Variants in SCN7A observed in about 807,000 individuals in gnomAD.
The protein encoded by SCN7A is sodium channel protein type 7 subunit alpha.
A neutral mutation model predicts 155.2 loss-of-function variants in SCN7A; 138 were observed. That is an observed-to-expected ratio of 0.89 (90% CI 0.77 to 1.02). The LOEUF (loss-of-function observed/expected upper bound fraction) is 1.02, where lower values mean the gene tolerates loss of function less well. SCN7A is among the 50% of genes least tolerant of loss of function. The pLI, the probability that SCN7A is intolerant of heterozygous loss-of-function variation, is 0.00. For synonymous variants in SCN7A, 693 were observed against 649.0 expected (o/e 1.07, Z -1.03); for missense variants, 2,058 against 1,986.6 (o/e 1.04, Z -0.68).
chr2:166,430,219 C>T lies in SCN7A; in HGVS notation c.2593-945G>A, dbSNP rs951453446. Among the ~76,000 whole-genome samples the T allele has an allele frequency of 2.0e-5, 3 of 152,056 alleles. No homozygotes were observed. In the East Asian group the frequency reaches 5.8e-4, roughly 29 times the overall value. On this transcript the variant is annotated intron_variant, in intron 16 of 25. Transcript: ENST00000643258. ...TCAATATTTTGTCCTACCTCTTAGA[C>T]TTATACACAGTAAGTGTCAAGGAAA...
At position 166,474,292 on chromosome 2, in the gene SCN7A, G is replaced by C; in HGVS notation, c.287C>G (p.Ser96Cys). Residue 96 changes from serine (S) to cysteine (C), a missense_variant, in exon 4 of 26, where the codon TCC becomes TGC. Ser to Cys is a moderately radical substitution (Grantham distance 112). Transcript: ENST00000643258. ...NRTIFRFNAA[S>C]ILCTLSPFNC... ...GAAAGGAGACAATGTACACAAGATG[G>C]AAGCCGCATTGAATCTGAAGATTGT... 6.5e-7 allele frequency: 1 copy of C among 1,529,462 alleles called. No individual in the cohort carries two copies. The highest frequency in any genetic ancestry group is 1.2e-5 in the South Asian group (1 of 81,358). The allele number at this position is 1,529,462 out of a possible 1,614,324, so 94.7% of individuals were successfully genotyped here.
intron 11 of SCN7A, among the ~76,000 whole-genome samples, chr2:166,453,487 A>G (rs894664054): frequency 6.6e-6 from 1 of 152,186 alleles, no homozygotes; most frequent in Non-Finnish European, 1.5e-5. Context: ...AGTCTTCATA[A>G]AATTTTTTCA....
At chr2:166,411,299 A>G (rs1701197039) in intron 23 of SCN7A, among the ~76,000 whole-genome samples, 1 of 151,964 alleles carries the variant, frequency 6.6e-6, no homozygotes, top group Non-Finnish European at 1.5e-5. Context: ...CTCTGTGGAG[A>G]CCGGGATGTG....
chr2:166,425,458 C>T (rs1701603188), intron 18 of SCN7A, among the ~76,000 whole-genome samples: 1 of 151,986 alleles, frequency 6.6e-6, no homozygotes, highest in Admixed American at 6.6e-5. Flanking sequence ...CAGATTACCA[C>T]AAATTTAGAA....
At chr2:166,418,278 G>T (rs535423420) in intron 20 of SCN7A, among the ~76,000 whole-genome samples, 8 of 126,458 alleles carry the variant, frequency 6.3e-5, no homozygotes, top group African/African-American at 2.0e-4. Flanking sequence ...ACGCCACCCC[G>T]CCAGGCTTTT....
intron 2 of SCN7A, 108 bp from the exon 3 acceptor site, chr2:166,477,818 A>G (rs770401663): frequency 1.9e-5 from 11 of 583,716 alleles, no homozygotes; most frequent in African/African-American, 3.9e-5. Flanking sequence ...GCATTTAAAG[A>G]ACATATTCCT....
rs1702295581 is a variant in SCN7A at position 166,456,913 on chromosome 2, T to C, written c.1247A>G (p.Gln416Arg). Residue 416 changes from glutamine (Q) to arginine (R), a missense_variant, in exon 11 of 26, where the codon CAA becomes CGA. Physicochemically the swap from Gln to Arg is conservative, Grantham distance 43. Coordinates refer to ENST00000643258, the MANE Select transcript of SCN7A (RefSeq NM_002976.4). Reference protein sequence around the residue: ...EISKKIEPKFQQTGKELQEGN... With the variant: ...EISKKIEPKFRQTGKELQEGN... ...TTCTTGAAGTTCTTTTCCAGTCTGT[T>C]GAAATTTTGGTTCAATCTTCTTAGA... 1.3e-6 allele frequency: 2 copies of C among 1,557,436 alleles called. No individual in the cohort carries two copies. Among genetic ancestry groups the C allele is most frequent in the South Asian group, 1.2e-5 (1 of 84,624 alleles).
At chr2:166,478,183 A>G (rs902500703) in intron 2 of SCN7A, among the ~76,000 whole-genome samples, 8 of 151,708 alleles carry the variant, frequency 5.3e-5, no homozygotes, top group African/African-American at 1.9e-4. Flanking sequence ...TATCGGTCAA[A>G]TATTAACCCA....
At chr2:166,431,694 A>AT (rs1322028701) in intron 16 of SCN7A, among the ~76,000 whole-genome samples, 12 of 151,536 alleles carry the variant, frequency 7.9e-5, no homozygotes, top group East Asian at 3.9e-4. Context: ...TGCGACTCTG[A>AT]TTTTTTTTTA....
intron 20 of SCN7A, among the ~76,000 whole-genome samples, chr2:166,417,459 C>A (rs1361650300): frequency 2.0e-5 from 3 of 151,806 alleles, no homozygotes; most frequent in Non-Finnish European, 4.4e-5. Context: ...GGCAACAGAC[C>A]CAGACTCCAT....
rs1401511697 is a variant in SCN7A at position 166,429,261 on chromosome 2, G to T, written c.2606C>A (p.Ser869Tyr). The change falls in exon 17 of 26, where the codon TCT (serine) becomes TAT (tyrosine). Residue 869 changes from serine (S) to tyrosine (Y), a missense_variant. Transcript: ENST00000643258. ...AACAGTACTGCATTCAGATGAGCTA[G>T]ATTGCTTTATTTTCTAAAAGGTGAA... ...DGGSKEKIKQ[S>Y]SSSECSTVDI... 8 of 1,531,558 alleles carry T rather than the reference G, an allele frequency of 5.2e-6. No individual in the cohort carries two copies. The highest frequency in any genetic ancestry group is 1.4e-5 in the African/African-American group (1 of 72,110). 94.9% of individuals were successfully genotyped at this position (1,531,558 alleles called of 1,614,324 possible).
chr2:166,426,359 C>G (rs7578830), intron 18 of SCN7A, among the ~76,000 whole-genome samples: 106,622 of 151,926 alleles, frequency 0.7, 37,601 homozygotes, highest in African/African-American at 0.77. Flanking sequence ...AGCCCCCTAG[C>G]GGGTATTTGT....
At position 166,413,981 on chromosome 2, in the gene SCN7A, G is replaced by GTATGTATATATATATATATA. The variant is rs1553513527; in HGVS notation, c.3415-861_3415-860insTATATATATATATATACATA. On this transcript the variant is annotated intron_variant, in intron 21 of 25. Coordinates refer to ENST00000643258, the MANE Select transcript of SCN7A (RefSeq NM_002976.4). ...CCCCTTTATATATATATGTGTATGT[G>GTATGTATATATATATATATA]TATATATATATATATATATATAAAT... is the stretch of plus-strand genomic sequence containing the variant. Among the ~76,000 whole-genome samples the GTATGTATATATATATATATA allele has an allele frequency of 3.6e-4, 19 of 53,500 alleles. 2 individuals carry two copies. Among genetic ancestry groups the GTATGTATATATATATATATA allele is most frequent in the South Asian group, 1.1e-3 (2 of 1,890 alleles). 35.1% of individuals were successfully genotyped at this position (53,500 alleles called of 152,430 possible). A position where few individuals can be genotyped will look rare whatever the true frequency, so the allele number is the denominator to read the frequency against.
rs1701071275 is a variant in SCN7A, at chr2:166,406,293, T to C, written c.4336A>G (p.Ser1446Gly). Residue 1446 changes from serine to glycine, a missense_variant, in exon 26 of 26, where the codon AGT becomes GGT. By Grantham distance (56) the Ser-to-Gly change is moderately conservative. Transcript: ENST00000643258. ...TCAGGATCACAGTCAGACCATTTAC[T>C]GTTGAAAATTGCATCAAGCATCCCA... ...WDGMLDAIFN[S>G]KWSDCDPDKI... The C allele has an allele frequency of 3.1e-6, 5 of 1,613,178 alleles. No homozygotes were observed. In the East Asian group the frequency reaches 1.1e-4, roughly 36 times the overall value.
chr2:166,456,225 G>A (rs181804700), intron 11 of SCN7A, among the ~76,000 whole-genome samples: 315 of 152,176 alleles, frequency 2.1e-3, no homozygotes, highest in Middle Eastern at 3.4e-3. Context: ...GGCAAGGGGA[G>A]CAATAGCATT....
chr2:166,427,105 A>T (rs1701640457), intron 18 of SCN7A, among the ~76,000 whole-genome samples: 2 of 152,098 alleles, frequency 1.3e-5, no homozygotes, highest in Admixed American at 1.3e-4. Flanking sequence ...ACTTATTACT[A>T]CATCTTGATG....
chr2:166,456,821 TATATATATAGATAGATAG>T (rs1559114249), intron 11 of SCN7A, 31 bp downstream of exon 11: 47 of 682,590 alleles, frequency 6.9e-5, no homozygotes, highest in Non-Finnish European at 9.3e-5. Flanking sequence ...TATATATATA[TATATATATAGATAGATAG>T]ATAGATAGAT....
chr2:166,422,335 T>C (rs1420595127), intron 19 of SCN7A, among the ~76,000 whole-genome samples: 1 of 151,976 alleles, frequency 6.6e-6, no homozygotes, highest in African/African-American at 2.4e-5. Context: ...TAAACCTTAG[T>C]GGGAGAAAAC....
At chr2:166,444,106 A>C (rs1702013795) in intron 13 of SCN7A, among the ~76,000 whole-genome samples, 1 of 152,174 alleles carries the variant, frequency 6.6e-6, no homozygotes, top group Admixed American at 6.5e-5. Flanking sequence ...GTACCAAATA[A>C]ATGTATAATT....
Sources: allele counts gnomAD v4.1 joint callset (sites outside exome capture counted in the v4.1 genomes callset), GRCh38; gene constraint gnomAD v4.1.1; transcripts MANE v1.5; gene names NCBI Gene and HGNC (gene_info 2026-07-23, HGNC 2026-07-21).